Variants in CELF2 observed in about 807,000 individuals in gnomAD.
The protein encoded by CELF2 is CUG triplet repeat RNA-binding protein 2.
In CELF2, 8 loss-of-function variants were observed where a neutral mutation model predicts 62.6. The ratio of observed to expected loss-of-function variants is 0.13; its 90% CI spans 0.07 to 0.23. The LOEUF (loss-of-function observed/expected upper bound fraction) is 0.23. CELF2 is among the 10% of genes least tolerant of loss of function. CELF2 has a pLI of 1.00. For synonymous variants in CELF2, 258 were observed against 250.0 expected, an observed-to-expected ratio of 1.03 and a Z score of -0.30; for missense variants, 333 against 671.0, an observed-to-expected ratio of 0.50 and a Z score of 5.56.
rs11257005 is a variant in CELF2, at chr10:11,178,990, C to A, written c.271+13308C>A. Reference sequence around the variant, plus strand: ...TGCCCTCTGGCCACTTCCTCCACACCCCCAGGAACATTGCCCCCATTTCAC... The same window carrying A: ...TGCCCTCTGGCCACTTCCTCCACACACCCAGGAACATTGCCCCCATTTCAC... On this transcript the variant is annotated intron_variant, in intron 2 of 12. Coordinates refer to ENST00000633077, the MANE Select transcript of CELF2 (RefSeq NM_001326342.2). The surrounding 1 kb of genome is among the most constrained non-coding windows in gnomAD (Gnocchi z 4.3). Among the ~76,000 whole-genome samples, 171 of 152,286 alleles carry A rather than the reference C, an allele frequency of 1.1e-3. 2 individuals carry two copies. The East Asian group carries it at 0.024, about 21-fold the overall frequency.
the CELF2 span, among the ~76,000 whole-genome samples, chr10:10,500,648 A>G: frequency 6.6e-6 from 1 of 152,190 alleles, no homozygotes; most frequent in Non-Finnish European, 1.5e-5. Flanking sequence ...CCAGTCAGGT[A>G]TGTCTTTCTC....
chr10:10,579,976 AGT>A, the CELF2 span, among the ~76,000 whole-genome samples: 1 of 152,136 alleles, frequency 6.6e-6, no homozygotes, highest in East Asian at 1.9e-4. Flanking sequence ...GATAACAAAG[AGT>A]GTGAGATCTG....
the CELF2 span, among the ~76,000 whole-genome samples, chr10:10,636,872 T>A: frequency 6.6e-6 from 1 of 152,126 alleles, no homozygotes; most frequent in Non-Finnish European, 1.5e-5. Flanking sequence ...GATAATGAAA[T>A]TATTAGGATT....
chr10:11,062,576 A>T (rs1476011224), intron 1 of CELF2, among the ~76,000 whole-genome samples: 1 of 152,120 alleles, frequency 6.6e-6, no homozygotes, highest in Non-Finnish European at 1.5e-5. Flanking sequence ...GATAGCAAAG[A>T]ATTCGAATTA....
intron 10 of CELF2, among the ~76,000 whole-genome samples, chr10:11,320,150 C>G (rs564228313): frequency 9.9e-5 from 15 of 152,150 alleles, no homozygotes; most frequent in South Asian, 4.1e-4. Flanking sequence ...TCACCTCTTC[C>G]GTTTCCTGAG....
rs1443400608 is a variant in CELF2, at chr10:11,178,237, A to G, written c.271+12555A>G. ...GCTGAGTGTGATGCTCCCTTTGTGA[A>G]GTGGACATCTGTCTAATGGGAACTG... On this transcript the variant is annotated intron_variant, in intron 2 of 12. Coordinates refer to ENST00000633077, the MANE Select transcript of CELF2 (RefSeq NM_001326342.2). This position sits in a 1 kb window ranked among gnomAD's most constrained non-coding sequence, Gnocchi z 4.3. 2.6e-5 allele frequency among the ~76,000 whole-genome samples: 4 copies of G among 152,182 alleles called. No homozygotes were observed. Among genetic ancestry groups the G allele is most frequent in the Non-Finnish European group, 4.4e-5 (3 of 68,016 alleles).
chr10:11,099,521 A>G (rs984808173), intron 1 of CELF2, among the ~76,000 whole-genome samples: 1 of 151,982 alleles, frequency 6.6e-6, no homozygotes, highest in South Asian at 2.1e-4. Context: ...CATTTTAGAG[A>G]TGGATTAAAA....
At chr10:11,209,337 A>G (rs753393546) in intron 2 of CELF2, among the ~76,000 whole-genome samples, 3 of 151,382 alleles carry the variant, frequency 2.0e-5, no homozygotes, top group Non-Finnish European at 4.4e-5. Context: ...ATTCACACCA[A>G]CGGGCCCAGA....
intron 1 of CELF2, among the ~76,000 whole-genome samples, chr10:11,158,443 C>T (rs61832285): frequency 6.6e-6 from 1 of 152,038 alleles, no homozygotes. Flanking sequence ...GAACACCTAC[C>T]TCTCCCTGTG....
intron 1 of CELF2, among the ~76,000 whole-genome samples, chr10:11,085,857 G>A (rs2046562947): frequency 6.6e-6 from 1 of 151,990 alleles, no homozygotes; most frequent in African/African-American, 2.4e-5. Context: ...AATACATCGA[G>A]GATAGCACTG....
chr10:10,919,496 A>G (rs969177464), intron 1 of CELF2, among the ~76,000 whole-genome samples: 1 of 152,238 alleles, frequency 6.6e-6, no homozygotes, highest in African/African-American at 2.4e-5. Context: ...AAAGAATTCC[A>G]TTTTGTGCTG....
chr10:11,062,665 G>A (rs953327084), intron 1 of CELF2, among the ~76,000 whole-genome samples: 1 of 152,220 alleles, frequency 6.6e-6, no homozygotes, highest in African/African-American at 2.4e-5. Flanking sequence ...GCTTCTTACG[G>A]ATGAGCAAAG....
Position 10,934,203 on chromosome 10 carries a change from G to T in CELF2, c.89+14204G>T, listed in dbSNP as rs2066395334. On this transcript the variant is annotated intron_variant, in intron 2 of 13. Coordinates refer to the CELF2 transcript ENST00000636488. This position sits in a 1 kb window ranked among gnomAD's most constrained non-coding sequence, Gnocchi z 4.4. ...GTTTTCAATACCAGTAGGGGCATTG[G>T]AACAGGGTTAAAAATAGAATTCAAA... Among the ~76,000 whole-genome samples the T allele has an allele frequency of 6.6e-6, 1 of 152,140 alleles. No homozygotes were observed. The highest frequency in any genetic ancestry group is 1.5e-5 in the Non-Finnish European group (1 of 68,026).
the CELF2 span, among the ~76,000 whole-genome samples, chr10:10,639,169 G>A: frequency 6.6e-6 from 1 of 152,172 alleles, no homozygotes; most frequent in Non-Finnish European, 1.5e-5. Flanking sequence ...GTTCTGCATT[G>A]TGTGATTGGC....
chr10:10,595,342 G>GTCC, the CELF2 span, among the ~76,000 whole-genome samples: 3,506 of 152,272 alleles, frequency 0.023, 54 homozygotes, highest in Non-Finnish European at 0.035. Flanking sequence ...ACCCTGTAAG[G>GTCC]CTGTGCTGGG....
At chr10:10,529,555 G>C in the CELF2 span, among the ~76,000 whole-genome samples, 6 of 151,764 alleles carry the variant, frequency 4.0e-5, no homozygotes, top group Non-Finnish European at 7.4e-5. Context: ...GTGGTGGTGC[G>C]CGTCTGTAAT....
At chr10:10,992,411 G>A (rs1185569996) in intron 2 of CELF2, among the ~76,000 whole-genome samples, 1 of 152,166 alleles carries the variant, frequency 6.6e-6, no homozygotes, top group Admixed American at 6.6e-5. Flanking sequence ...GTTGGGTAAC[G>A]TGTTAATGAT....
the CELF2 span, among the ~76,000 whole-genome samples, chr10:10,740,218 T>A: frequency 0.011 from 1,663 of 151,160 alleles, 38 homozygotes; most frequent in African/African-American, 0.039. Context: ...AAGGAGCTTT[T>A]CCCCTGTGTT....
rs976103837 is a variant in CELF2 at position 11,237,021 on chromosome 10, G to C, written c.355-12132G>C. 6.6e-6 allele frequency among the ~76,000 whole-genome samples: 1 copy of C among 152,156 alleles called. No individual in the cohort carries two copies. Among genetic ancestry groups the C allele is most frequent in the African/African-American group, 2.4e-5 (1 of 41,426 alleles). ...GGTAGATAAGTCAAAGTCTTTGAGTGGGGGAGAAAAATTTCTAGACTGAGT... is the reference window on the plus strand; with the variant it reads ...GGTAGATAAGTCAAAGTCTTTGAGTCGGGGAGAAAAATTTCTAGACTGAGT... On this transcript the variant is annotated intron_variant, in intron 3 of 12. Coordinates refer to ENST00000633077, the MANE Select transcript of CELF2 (RefSeq NM_001326342.2). The surrounding 1 kb of genome is among the most constrained non-coding windows in gnomAD (Gnocchi z 4.0).
Sources: allele counts gnomAD v4.1 joint callset (sites outside exome capture counted in the v4.1 genomes callset), GRCh38; gene constraint gnomAD v4.1.1; non-coding constraint Gnocchi (gnomAD v3.1); transcripts MANE v1.5; gene names NCBI Gene and HGNC (gene_info 2026-07-23, HGNC 2026-07-21).